STAT4: variants seen among roughly 807,000 people sequenced by gnomAD.
STAT4 encodes the protein signal transducer and activator of transcription 4.
A neutral mutation model predicts 110.5 loss-of-function variants in STAT4; 42 were observed. The observed-to-expected ratio is 0.38, with a 90% confidence interval of 0.30 to 0.49. The LOEUF (loss-of-function observed/expected upper bound fraction) is 0.49. STAT4 is among the 20% of genes least tolerant of loss of function. STAT4 has a pLI of 0.95. For missense variants in STAT4, 632 were observed against 887.9 expected (o/e 0.71, Z 3.66); for synonymous variants, 284 against 302.2 (o/e 0.94, Z 0.63).
chr2:191,041,504 A>G (rs536921781), intron 14 of STAT4: 1 of 152,664 alleles, frequency 6.6e-6, no homozygotes, highest in South Asian at 2.1e-4. Context: ...CCATATATGC[A>G]TAGGTATACA....
At chr2:191,069,567 A>T in intron 6 of STAT4, 126 bp downstream of exon 6, 1 of 716,282 alleles carries the variant, frequency 1.4e-6, no homozygotes, top group South Asian at 1.6e-5. Flanking sequence ...ACAAGAAAAT[A>T]CTCCCTGTAT....
chr2:191,085,593 A>G (rs938360727), intron 3 of STAT4, among the ~76,000 whole-genome samples: 6 of 152,168 alleles, frequency 3.9e-5, no homozygotes, highest in Non-Finnish European at 5.9e-5. Context: ...TGTGTCTTTA[A>G]CTGTGGATGT....
At chr2:191,093,727 C>T (rs374300228) in intron 3 of STAT4, among the ~76,000 whole-genome samples, 1 of 152,032 alleles carries the variant, frequency 6.6e-6, no homozygotes, top group African/African-American at 2.4e-5. Flanking sequence ...CAAAGCTGGA[C>T]GGAGAAATGA....
rs185351894 is a variant in STAT4 at position 191,092,717 on chromosome 2, G to T, written c.274-16392C>A. On this transcript the variant is annotated intron_variant, in intron 3 of 23. Coordinates refer to ENST00000392320, the MANE Select transcript of STAT4 (RefSeq NM_003151.4). ...GGTTGGACAGTGGGTTCAGCCCACG[G>T]AGGGTGAGCCAAAGCAGGGCAGGGC... 1.4e-4 allele frequency among the ~76,000 whole-genome samples: 22 copies of T among 152,298 alleles called. No individual in the cohort carries two copies. In the East Asian group the frequency reaches 3.3e-3, roughly 23 times the overall value.
At position 191,041,125 on chromosome 2, in the gene STAT4, T is replaced by C; in HGVS notation, c.1275A>G (p.Glu425=). Reference sequence around the variant, plus strand: ...GTGTTTCAAACGTTATGGAATGAAGTTCTTCAGTCACCATGTGACAGCCCT... The same window carrying C: ...GTGTTTCAAACGTTATGGAATGAAGCTCTTCAGTCACCATGTGACAGCCCT... ...GNEGCHMVTE[E]LHSITFETQI... The change falls in exon 15 of 24, where the codon GAA becomes GAG. Residue 425 remains glutamate, a synonymous_variant. Coordinates refer to ENST00000392320, the MANE Select transcript of STAT4 (RefSeq NM_003151.4). 6.7e-7 allele frequency: 1 copy of C among 1,486,664 alleles called. No homozygotes were observed. The highest frequency in any genetic ancestry group is 2.6e-5 in the East Asian group (1 of 38,810). The allele number at this position is 1,486,664 out of a possible 1,614,324, so 92.1% of individuals were successfully genotyped here.
intron 3 of STAT4, among the ~76,000 whole-genome samples, chr2:191,139,274 A>G (rs1180603993): frequency 6.6e-6 from 1 of 152,098 alleles, no homozygotes; most frequent in Non-Finnish European, 1.5e-5. Context: ...AAAGAAATAC[A>G]AGGCATCCAA....
intron 3 of STAT4, among the ~76,000 whole-genome samples, chr2:191,103,726 T>C (rs1698204766): frequency 6.6e-6 from 1 of 152,186 alleles, no homozygotes; most frequent in South Asian, 2.1e-4. Flanking sequence ...ATAAAAAGAA[T>C]ATACAAGTAC....
intron 3 of STAT4, among the ~76,000 whole-genome samples, chr2:191,121,199 AT>A (rs1698717077): frequency 6.6e-6 from 1 of 152,254 alleles, no homozygotes; most frequent in African/African-American, 2.4e-5. Flanking sequence ...CATCAGAGAA[AT>A]GTAAATCAAA....
chr2:191,098,703 C>A (rs1251632006), intron 3 of STAT4, among the ~76,000 whole-genome samples: 1 of 152,118 alleles, frequency 6.6e-6, no homozygotes, highest in African/African-American at 2.4e-5. Context: ...CACATGTTTA[C>A]CTATGTAACA....
intron 16 of STAT4, among the ~76,000 whole-genome samples, chr2:191,038,199 G>C (rs114629909): frequency 6.6e-6 from 1 of 151,990 alleles, no homozygotes; most frequent in Non-Finnish European, 1.5e-5. Context: ...AGGGGCATTG[G>C]CTGTCCTTTG....
At chr2:191,096,709 C>G (rs559102303) in intron 3 of STAT4, among the ~76,000 whole-genome samples, 2 of 152,106 alleles carry the variant, frequency 1.3e-5, no homozygotes, top group Admixed American at 1.3e-4. Flanking sequence ...AAAACCAGCA[C>G]GAGACAAGAA....
chr2:191,068,601 A>G (rs1008584872), intron 6 of STAT4: 10 of 152,164 alleles, frequency 6.6e-5, no homozygotes, highest in African/African-American at 2.4e-4. Flanking sequence ...GATTCTGTAA[A>G]TGGAAAGTTT....
Position 191,073,092 on chromosome 2 carries a change from A to G in STAT4, c.465+6T>C, listed in dbSNP as rs765446976. ...ACTTTCTAGGTATCTGTATAAAAGCACTTACCTGCACACTGTTTTTAATGG... is the reference window on the plus strand; with the variant it reads ...ACTTTCTAGGTATCTGTATAAAAGCGCTTACCTGCACACTGTTTTTAATGG... On this transcript the variant is annotated splice_donor_region_variant and intron_variant, in intron 5 of 23. Transcript: ENST00000392320. 4.3e-6 allele frequency: 7 copies of G among 1,613,254 alleles called. No individual in the cohort carries two copies. The highest frequency in any genetic ancestry group is 3.4e-6 in the Non-Finnish European group (4 of 1,179,414).
chr2:191,046,053 C>G lies in STAT4; in HGVS notation c.1252-4905G>C, dbSNP rs1346412500. On this transcript the variant is annotated intron_variant, in intron 14 of 23. Coordinates refer to ENST00000392320, the MANE Select transcript of STAT4 (RefSeq NM_003151.4). The surrounding 1 kb of genome is among the most constrained non-coding windows in gnomAD (Gnocchi z 4.6). ...CTCACTGCCCACTAGGGAGGGGATG[C>G]TTACACTATGCAAAACACGAGACAA... Among the ~76,000 whole-genome samples the G allele has an allele frequency of 1.3e-5, 2 of 152,146 alleles. No homozygotes were observed. Among genetic ancestry groups the G allele is most frequent in the Admixed American group, 6.6e-5 (1 of 15,266 alleles).
chr2:191,090,761 C>T lies in STAT4; in HGVS notation c.274-14436G>A, dbSNP rs914773156. ...ATTTTTAGTAGAGACAGGGTTTCAC[C>T]GTGTTAGCCTGACACCGTGTTAGCC... On this transcript the variant is annotated intron_variant, in intron 3 of 23. Transcript: ENST00000392320. This position sits in a 1 kb window ranked among gnomAD's most constrained non-coding sequence, Gnocchi z 4.2. 3.9e-5 allele frequency among the ~76,000 whole-genome samples: 6 copies of T among 152,132 alleles called. No homozygotes were observed. Among genetic ancestry groups the T allele is most frequent in the South Asian group, 2.1e-4 (1 of 4,806 alleles).
At position 191,039,947 on chromosome 2, in the gene STAT4, G is replaced by A. The variant is rs1696143047; in HGVS notation, c.1336-650C>T. 6.6e-6 allele frequency among the ~76,000 whole-genome samples: 1 copy of A among 152,216 alleles called. No individual in the cohort carries two copies. The highest frequency in any genetic ancestry group is 2.4e-5 in the African/African-American group (1 of 41,454). The stretch of plus-strand genomic sequence containing the variant: ...CAATAACAGACATCAGATTCCTGTA[G>A]ATGGTAAAATACCCATTTGAGGAAC... On this transcript the variant is annotated intron_variant, in intron 15 of 23. Transcript: ENST00000392320. The surrounding 1 kb of genome is among the most constrained non-coding windows in gnomAD (Gnocchi z 4.7).
At chr2:191,078,103 A>AT (rs1056859429) in intron 3 of STAT4, among the ~76,000 whole-genome samples, 1 of 151,224 alleles carries the variant, frequency 6.6e-6, no homozygotes, top group Non-Finnish European at 1.5e-5. Flanking sequence ...TCCATTGTTA[A>AT]AAAAAGGGCT....
Position 191,143,791 on chromosome 2 carries a change from A to AT in STAT4, c.273+2821_273+2822insA, listed in dbSNP as rs1699393502. 7.5e-6 allele frequency among the ~76,000 whole-genome samples: 1 copy of AT among 133,790 alleles called. No homozygotes were observed. The highest frequency in any genetic ancestry group is 1.6e-5 in the Non-Finnish European group (1 of 64,084). The allele number at this position is 133,790 out of a possible 152,430, so 87.8% of individuals were successfully genotyped here. A position where few individuals can be genotyped will look rare whatever the true frequency, so the allele number is the denominator to read the frequency against. On this transcript the variant is annotated intron_variant, in intron 3 of 23. Coordinates refer to ENST00000392320, the MANE Select transcript of STAT4 (RefSeq NM_003151.4). The surrounding 1 kb of genome is among the most constrained non-coding windows in gnomAD (Gnocchi z 5.6). The stretch of plus-strand genomic sequence containing the variant: ...CAGCGTCAACAGCCTTTTGATAGGG[A>AT]ATTTTTTTTTTCTTTTTTGTGGGGA...
At chr2:191,087,382 T>C (rs1291831004) in intron 3 of STAT4, among the ~76,000 whole-genome samples, 3 of 152,116 alleles carry the variant, frequency 2.0e-5, no homozygotes, top group African/African-American at 7.2e-5. Context: ...CAAATATATT[T>C]CTTTGATGTG....
Sources: allele counts gnomAD v4.1 joint callset (sites outside exome capture counted in the v4.1 genomes callset), GRCh38; gene constraint gnomAD v4.1.1; non-coding constraint Gnocchi (gnomAD v3.1); transcripts MANE v1.5; gene names NCBI Gene and HGNC (gene_info 2026-07-23, HGNC 2026-07-21).